Variants in GGT7 observed in about 807,000 individuals in gnomAD.
GGT7 encodes gamma-glutamyltransferase 7.
GGT7 carries 30 observed loss-of-function variants against 69.2 expected under a neutral mutation model. That is an observed-to-expected ratio of 0.43 (90% CI 0.32 to 0.59). The LOEUF is 0.59. Among genes scored for constraint, GGT7 ranks in the 20% least tolerant of loss-of-function variants. The pLI is 0.05. For missense variants in GGT7, 733 were observed against 901.1 expected (o/e 0.81, Z 2.39); for synonymous variants, 388 against 391.8 (o/e 0.99, Z 0.12).
intron 11 of GGT7, 58 bp downstream of exon 11, chr20:34,852,331 C>G (rs991009167): frequency 2.5e-6 from 4 of 1,607,904 alleles, no homozygotes; most frequent in African/African-American, 1.3e-5. Flanking sequence ...ACCCAGCCCC[C>G]ACCCCCTCTT....
chr20:34,863,604 C>G lies in GGT7; in HGVS notation c.170-56G>C, dbSNP rs1015332361. On this transcript the variant is annotated intron_variant, in intron 1 of 14. Coordinates refer to ENST00000336431, the MANE Select transcript of GGT7 (RefSeq NM_178026.3). This position sits in a 1 kb window ranked among gnomAD's most constrained non-coding sequence, Gnocchi z 4.4. Reference sequence around the variant, plus strand: ...CATCTCCTATCTGGCCCTGCCCACCCTCCAGGTGGGACTATTCAGCGCTTT... The same window carrying G: ...CATCTCCTATCTGGCCCTGCCCACCGTCCAGGTGGGACTATTCAGCGCTTT... 9.3e-6 allele frequency: 11 copies of G among 1,178,502 alleles called. No individual in the cohort carries two copies. In the African/African-American group the frequency reaches 1.5e-4, roughly 16 times the overall value. 73.0% of individuals were successfully genotyped at this position (1,178,502 alleles called of 1,614,324 possible).
intron 6 of GGT7, 146 bp from the exon 7 acceptor site, chr20:34,859,785 T>A: frequency 1.2e-6 from 1 of 820,822 alleles, no homozygotes; most frequent in Middle Eastern, 2.6e-4. Flanking sequence ...GGCAGGGATG[T>A]CTAAGGGCCC....
chr20:34,855,910 T>G (rs1240911955), intron 8 of GGT7, among the ~76,000 whole-genome samples: 1 of 151,988 alleles, frequency 6.6e-6, no homozygotes, highest in African/African-American at 2.4e-5. Flanking sequence ...TCCTCCCATC[T>G]CAACCTCCTG....
At position 34,863,632 on chromosome 20, in the gene GGT7, C is replaced by T; in HGVS notation, c.170-84G>A. 1.1e-6 allele frequency: 1 copy of T among 885,628 alleles called. No individual in the cohort carries two copies. Among genetic ancestry groups the T allele is most frequent in the Non-Finnish European group, 1.9e-6 (1 of 539,480 alleles). 54.9% of individuals were successfully genotyped at this position (885,628 alleles called of 1,614,324 possible). A position where few individuals can be genotyped will look rare whatever the true frequency, so the allele number is the denominator to read the frequency against. On this transcript the variant is annotated intron_variant, in intron 1 of 14. Transcript: ENST00000336431. The surrounding 1 kb of genome is among the most constrained non-coding windows in gnomAD (Gnocchi z 4.4). ...CAGGTGGGACTATTCAGCGCTTTCC[C>T]TGCCCCGCCCCTGCCACACAATCCC...
rs2146898422 is a variant in GGT7 at position 34,854,916 on chromosome 20, C to A, written c.1110G>T (p.Leu370=). 10 of 1,613,790 alleles carry A rather than the reference C, an allele frequency of 6.2e-6. No homozygotes were observed. The highest frequency in any genetic ancestry group is 8.5e-6 in the Non-Finnish European group (10 of 1,179,938). The part of the protein sequence containing the change: ...KPVCGVYRGH[L]VLSPPPPHTG... ...TGTGCGGAGGTGGGGGACTAAGAACCAGGTGGCCTGAAAGGACAGGAAGTG... is the reference window on the plus strand; with the variant it reads ...TGTGCGGAGGTGGGGGACTAAGAACAAGGTGGCCTGAAAGGACAGGAAGTG... Residue 370 remains leucine, a synonymous_variant, in exon 9 of 15, where the codon CTG becomes CTT. Transcript: ENST00000336431.
chr20:34,854,527 C>T lies in GGT7; in HGVS notation c.1319+4G>A, dbSNP rs1293962808. 1 of 1,592,004 alleles carries T rather than the reference C, an allele frequency of 6.3e-7. No homozygotes were observed. The highest frequency in any genetic ancestry group is 8.6e-7 in the Non-Finnish European group (1 of 1,160,286). ...GTAGCCCCCAGGTCCTGCCCAAGAC[C>T]CACCTGAGCATGTCATCCATGCTCT... is the stretch of plus-strand genomic sequence containing the variant. On this transcript the variant is annotated splice_donor_region_variant and intron_variant, in intron 10 of 14. Coordinates refer to ENST00000336431, the MANE Select transcript of GGT7 (RefSeq NM_178026.3).
chr20:34,851,651 G>A (rs1049731249), intron 12 of GGT7, among the ~76,000 whole-genome samples: 1 of 152,136 alleles, frequency 6.6e-6, no homozygotes, highest in Admixed American at 6.5e-5. Flanking sequence ...TGGCAATGGG[G>A]AAGAACAGGA....
chr20:34,859,353 AGG>A, intron 7 of GGT7, 88 bp downstream of exon 7: 1 of 884,502 alleles, frequency 1.1e-6, no homozygotes, highest in Non-Finnish European at 1.7e-6. Context: ...AAAGGGAGGG[AGG>A]GAGGGAAGGA....
intron 1 of GGT7, among the ~76,000 whole-genome samples, chr20:34,869,420 C>A (rs944066102): frequency 2.0e-5 from 3 of 152,166 alleles, no homozygotes; most frequent in African/African-American, 7.2e-5. Flanking sequence ...AATCTGCCCA[C>A]CTTAGCCTCC....
intron 5 of GGT7, 100 bp from the exon 6 acceptor site, chr20:34,860,142 AG>A: frequency 1.0e-6 from 1 of 999,780 alleles, no homozygotes; most frequent in East Asian, 2.4e-5. Flanking sequence ...TGGCAAGGGA[AG>A]GGGATATTAG....
chr20:34,855,120 G>C (rs761481), intron 8 of GGT7, among the ~76,000 whole-genome samples, 197 bp from the exon 9 acceptor site: 10,726 of 152,258 alleles, frequency 0.07, 1,243 homozygotes, highest in African/African-American at 0.25. Flanking sequence ...GCCAGGACTT[G>C]AACTCAGAAC....
chr20:34,851,449 C>A (rs1378285248), intron 12 of GGT7, 81 bp from the exon 13 acceptor site: 47 of 1,372,584 alleles, frequency 3.4e-5, no homozygotes, highest in Non-Finnish European at 4.2e-5. Context: ...ACCCTTCCAA[C>A]TGCTCTCCCT....
intron 3 of GGT7, among the ~76,000 whole-genome samples, chr20:34,862,538 C>T (rs922137261): frequency 6.6e-6 from 1 of 151,050 alleles, no homozygotes; most frequent in African/African-American, 2.4e-5. Context: ...AGTATACCTC[C>T]ACCTGTGCAT....
At chr20:34,861,630 C>A (rs1351446302) in intron 3 of GGT7, 68 bp from the exon 4 acceptor site, 2 of 933,950 alleles carry the variant, frequency 2.1e-6, no homozygotes, top group South Asian at 6.5e-5. Context: ...AATCTGCTGC[C>A]CCTCCACCCC....
chr20:34,872,856 T>A lies in GGT7; in HGVS notation c.-41A>T, dbSNP rs1051590566. On this transcript the variant is annotated 5_prime_UTR_variant, in exon 1 of 15. Coordinates refer to ENST00000336431, the MANE Select transcript of GGT7 (RefSeq NM_178026.3). ...CCAGCAGCGCAGCGCCTGCCGGAAG[T>A]GGCTGCGGCGGGGGAGTGGGAGGGC... The A allele has an allele frequency of 7.6e-7, 1 of 1,316,098 alleles. No individual in the cohort carries two copies. The highest frequency in any genetic ancestry group is 9.8e-7 in the Non-Finnish European group (1 of 1,025,182). The allele number at this position is 1,316,098 out of a possible 1,614,324, so 81.5% of individuals were successfully genotyped here.
At chr20:34,851,599 G>A (rs6060083) in intron 12 of GGT7, among the ~76,000 whole-genome samples, 1 of 152,170 alleles carries the variant, frequency 6.6e-6, no homozygotes, top group African/African-American at 2.4e-5. Context: ...TGAGCTATGA[G>A]GCTGCTACGG....
intron 6 of GGT7, 94 bp downstream of exon 6, chr20:34,859,875 A>T (rs1323783121): frequency 3.1e-6 from 3 of 961,066 alleles, no homozygotes; most frequent in Non-Finnish European, 4.9e-6. Flanking sequence ...GCAAACTGGA[A>T]GAGAGGGCCT....
chr20:34,851,617 G>T (rs1176493738), intron 12 of GGT7, among the ~76,000 whole-genome samples: 1 of 152,188 alleles, frequency 6.6e-6, no homozygotes, highest in Non-Finnish European at 1.5e-5. Context: ...CGGGTCACAG[G>T]AGAAAGGACC....
chr20:34,850,863 G>A (rs202242867), intron 13 of GGT7: 17 of 566,528 alleles, frequency 3.0e-5, no homozygotes, highest in Non-Finnish European at 4.1e-5. Context: ...CTGGAGAAAA[G>A]CAGGCCCTTC....
Sources: allele counts gnomAD v4.1 joint callset (sites outside exome capture counted in the v4.1 genomes callset), GRCh38; gene constraint gnomAD v4.1.1; non-coding constraint Gnocchi (gnomAD v3.1); transcripts MANE v1.5; gene names NCBI Gene and HGNC (gene_info 2026-07-23, HGNC 2026-07-21).